The following DAGLA variants were observed in gnomAD, a reference collection of about 807,000 sequenced individuals.
DAGLA encodes the protein diacylglycerol lipase-alpha.
DAGLA carries 22 observed loss-of-function variants against 102.6 expected under a neutral mutation model. The observed-to-expected ratio is 0.21, with a 90% CI of 0.15 to 0.31. The LOEUF (loss-of-function observed/expected upper bound fraction) is 0.31, where lower values mean the gene tolerates loss of function less well. Among genes scored for constraint, DAGLA ranks in the 10% least tolerant of loss-of-function variants. DAGLA has a pLI of 1.00. For synonymous variants in DAGLA, 578 were observed against 628.9 expected (o/e 0.92, Z 1.21); for missense variants, 927 against 1,446.6 (o/e 0.64, Z 5.83).
chr11:61,722,658 G>T (rs1270011975), intron 3 of DAGLA, among the ~76,000 whole-genome samples: 2 of 151,748 alleles, frequency 1.3e-5, no homozygotes, highest in Non-Finnish European at 2.9e-5. Context: ...TCATTCAGGG[G>T]CCAACAGGAC....
At chr11:61,716,076 C>G (rs1230163521) in intron 1 of DAGLA, among the ~76,000 whole-genome samples, 1 of 152,164 alleles carries the variant, frequency 6.6e-6, no homozygotes, top group Non-Finnish European at 1.5e-5. Context: ...GCCACTGTCT[C>G]AGCCCTTGTG....
intron 9 of DAGLA, among the ~76,000 whole-genome samples, chr11:61,733,615 C>G (rs958621047): frequency 6.6e-6 from 1 of 152,226 alleles, no homozygotes; most frequent in Non-Finnish European, 1.5e-5. Context: ...CTCTGGTGGC[C>G]TGAGGTGCCG....
At chr11:61,701,344 G>C (rs1237346516) in intron 1 of DAGLA, among the ~76,000 whole-genome samples, 1 of 152,238 alleles carries the variant, frequency 6.6e-6, no homozygotes, top group Non-Finnish European at 1.5e-5. Context: ...CTAGGAGCCA[G>C]CCTCTCCGCT....
intron 3 of DAGLA, 88 bp from the exon 4 acceptor site, chr11:61,722,771 G>A: frequency 8.8e-7 from 1 of 1,140,540 alleles, no homozygotes; most frequent in Non-Finnish European, 1.3e-6. Context: ...TGAAAGCCCA[G>A]CGATAGGAAA....
intron 1 of DAGLA, among the ~76,000 whole-genome samples, chr11:61,681,328 C>T (rs1351674512): frequency 1.3e-5 from 2 of 152,092 alleles, no homozygotes; most frequent in Admixed American, 1.3e-4. Context: ...GATGGTAACC[C>T]AGATAGAGAC....
chr11:61,687,364 GCT>G (rs1323329022), intron 1 of DAGLA, among the ~76,000 whole-genome samples: 1 of 151,456 alleles, frequency 6.6e-6, no homozygotes, highest in Non-Finnish European at 1.5e-5. Flanking sequence ...ACGGAGTCTC[GCT>G]CTGTCACTCA....
intron 1 of DAGLA, among the ~76,000 whole-genome samples, chr11:61,695,981 T>C (rs2065061857): frequency 6.6e-6 from 1 of 152,136 alleles, no homozygotes; most frequent in African/African-American, 2.4e-5. Context: ...TCCCCGCTGA[T>C]GTTCAAGGGT....
intron 1 of DAGLA, among the ~76,000 whole-genome samples, chr11:61,682,130 G>T (rs2135543260): frequency 6.6e-6 from 1 of 152,300 alleles, no homozygotes; most frequent in Admixed American, 6.5e-5. Context: ...GATGCCTTTG[G>T]AGCCATATCA....
rs1259349971 is a variant in DAGLA at position 61,684,401 on chromosome 11, C to CT, written c.-45+3904dup. On this transcript the variant is annotated intron_variant, in intron 1 of 19. Transcript: ENST00000257215. The surrounding 1 kb of genome is among the most constrained non-coding windows in gnomAD (Gnocchi z 4.5). ...GCTGAAAATGGTTTATTTTGATTTT[C>CT]TTTTTTTGTTTCTGATACTGACTTG... Among the ~76,000 whole-genome samples, 7 of 151,952 alleles carry CT rather than the reference C, an allele frequency of 4.6e-5. No individual in the cohort carries two copies. The highest frequency in any genetic ancestry group is 2.1e-4 in the South Asian group (1 of 4,814).
At position 61,734,854 on chromosome 11, in the gene DAGLA, G is replaced by A; in HGVS notation, c.980G>A (p.Cys327Tyr). ...LCQLARSCSC[C>Y]LCPARPRFAP... ...CTCTTGTCACCCCACCCTAGGTGTTGCCTGTGTCCTGCGAGGCCGCGGTTC... is the reference window on the plus strand; with the variant it reads ...CTCTTGTCACCCCACCCTAGGTGTTACCTGTGTCCTGCGAGGCCGCGGTTC... The change falls in exon 10 of 20, where the codon TGC (cysteine) becomes TAC (tyrosine). Residue 327 changes from cysteine to tyrosine, a missense_variant. Around this residue, in one of 4 missense-constraint regions of DAGLA, gnomAD observed 44 missense variants for 44.0 expected, o/e 1.00. Transcript: ENST00000257215. The surrounding 1 kb of genome is among the most constrained non-coding windows in gnomAD (Gnocchi z 4.2). 6.2e-7 allele frequency: 1 copy of A among 1,613,220 alleles called. No individual in the cohort carries two copies. The highest frequency in any genetic ancestry group is 2.2e-5 in the East Asian group (1 of 44,860).
intron 1 of DAGLA, among the ~76,000 whole-genome samples, chr11:61,681,453 C>T (rs2064941591): frequency 6.6e-6 from 1 of 151,920 alleles, no homozygotes; most frequent in Non-Finnish European, 1.5e-5. Flanking sequence ...GATCGGTGTC[C>T]CAGAATATGT....
intron 1 of DAGLA, among the ~76,000 whole-genome samples, chr11:61,719,122 T>C (rs2065261459): frequency 6.6e-6 from 1 of 152,226 alleles, no homozygotes; most frequent in African/African-American, 2.4e-5. Flanking sequence ...TCTGGGGACC[T>C]AGCTCCCTGT....
rs1049856001 is a variant in DAGLA, at chr11:61,735,141, G to A, written c.1128+139G>A. 9.8e-6 allele frequency: 10 copies of A among 1,015,418 alleles called. No individual in the cohort carries two copies. In the Admixed American group the frequency reaches 1.4e-4, roughly 14 times the overall value. The allele number at this position is 1,015,418 out of a possible 1,614,324, so 62.9% of individuals were successfully genotyped here. A position where few individuals can be genotyped will look rare whatever the true frequency, so the allele number is the denominator to read the frequency against. On this transcript the variant is annotated intron_variant, in intron 10 of 19. Transcript: ENST00000257215. ...CTGCAGCTTCCAGGCATCCCTAGCTGGGCAGACCAGAGGTGGCCCCCTTCT... is the reference window on the plus strand; with the variant it reads ...CTGCAGCTTCCAGGCATCCCTAGCTAGGCAGACCAGAGGTGGCCCCCTTCT...
intron 14 of DAGLA, 55 bp downstream of exon 14, chr11:61,737,379 G>A (rs1448981441): frequency 6.2e-6 from 10 of 1,601,556 alleles, no homozygotes; most frequent in Non-Finnish European, 8.5e-6. Flanking sequence ...AGTGGAGGCT[G>A]AGGGTTGGCT....
intron 6 of DAGLA, among the ~76,000 whole-genome samples, chr11:61,727,811 A>G (rs1038694555): frequency 2.6e-5 from 4 of 152,222 alleles, no homozygotes; most frequent in African/African-American, 9.6e-5. Flanking sequence ...GAAATGAGCC[A>G]GAGCCACCCG....
rs1324546213 is a variant in DAGLA at position 61,726,025 on chromosome 11, C to T, written c.579C>T (p.Ser193=). 6.2e-7 allele frequency: 1 copy of T among 1,613,612 alleles called. No homozygotes were observed. The highest frequency in any genetic ancestry group is 8.5e-7 in the Non-Finnish European group (1 of 1,180,046). Residue 193 remains serine, a synonymous_variant, in exon 6 of 20, where the codon AGC becomes AGT. Transcript: ENST00000257215. ...GCTTAGAGGAGGGTCAAGCCACCAG[C>T]TGGTCGCGCCGGCTCAAAGTGTTCC... The part of the protein sequence containing the change: ...RHRLEEGQAT[S]WSRRLKVFLC...
chr11:61,714,390 T>G (rs1013447575), intron 1 of DAGLA, among the ~76,000 whole-genome samples: 1 of 152,214 alleles, frequency 6.6e-6, no homozygotes, highest in South Asian at 2.1e-4. Context: ...CAACAGGGAC[T>G]CCACCGCTGG....
chr11:61,710,873 C>T (rs1417753154), intron 1 of DAGLA, among the ~76,000 whole-genome samples: 1 of 152,216 alleles, frequency 6.6e-6, no homozygotes, highest in Non-Finnish European at 1.5e-5. Flanking sequence ...CTCCTCATGA[C>T]TCACTCACTA....
At position 61,744,074 on chromosome 11, in the gene DAGLA, C is replaced by T. The variant is rs780538096; in HGVS notation, c.2714C>T (p.Ser905Leu). The T allele has an allele frequency of 4.3e-6, 7 of 1,612,734 alleles. No homozygotes were observed. The highest frequency in any genetic ancestry group is 1.1e-5 in the South Asian group (1 of 91,088). The change falls in exon 20 of 20, where the codon TCG becomes TTG. Residue 905 changes from serine (S) to leucine (L), a missense_variant. Ser to Leu is a moderately radical substitution (Grantham distance 145). Coordinates refer to ENST00000257215, the MANE Select transcript of DAGLA (RefSeq NM_006133.3). The stretch of plus-strand genomic sequence containing the variant: ...CTGCACAATGGGCGCCTGGGGGACT[C>T]GCCCAGTCCTCAGGTGCTGGAATTC... ...LALHNGRLGDSPSPQVLEFAE... is the reference protein window; with the variant it reads ...LALHNGRLGDLPSPQVLEFAE...
Sources: allele counts gnomAD v4.1 joint callset (sites outside exome capture counted in the v4.1 genomes callset), GRCh38; gene constraint gnomAD v4.1.1; regional missense constraint gnomAD v4.1.1; non-coding constraint Gnocchi (gnomAD v3.1); transcripts MANE v1.5; gene names NCBI Gene and HGNC (gene_info 2026-07-23, HGNC 2026-07-21).